The following ACTR6 variants were observed in gnomAD, a reference collection of about 807,000 sequenced individuals.
The protein encoded by ACTR6 is actin related protein 6, also known as actin-related protein 6.
Under a neutral mutation model 52.5 loss-of-function variants are expected in ACTR6, and 50 were observed. The ratio of observed to expected loss-of-function variants is 0.95; its 90% CI spans 0.76 to 1.20. ACTR6 has a LOEUF of 1.20. Ranked by LOEUF, ACTR6 falls within the 50% of genes most tolerant of loss-of-function variation. The pLI is 0.00. For synonymous variants in ACTR6, 135 were observed against 147.2 expected (o/e 0.92, Z 0.60); for missense variants, 344 against 472.4 (o/e 0.73, Z 2.52).
chr12:100,222,951 C>A (rs1311781312), intron 10 of ACTR6, among the ~76,000 whole-genome samples: 3 of 152,344 alleles, frequency 2.0e-5, no homozygotes, highest in East Asian at 1.9e-4. Context: ...AGCAAAAGCA[C>A]AGACTGTGAA....
intron 6 of ACTR6, 41 bp from the exon 7 acceptor site, chr12:100,212,215 A>G (rs1193596807): frequency 7.4e-7 from 1 of 1,347,492 alleles, no homozygotes; most frequent in Non-Finnish European, 1.0e-6. Flanking sequence ...AATTATGTTT[A>G]ATTGTTTTGC....
At position 100,220,495 on chromosome 12, in the gene ACTR6, C is replaced by A. The variant is rs557931205; in HGVS notation, c.1061+349C>A. Among the ~76,000 whole-genome samples the A allele has an allele frequency of 2.0e-5, 3 of 151,266 alleles. No homozygotes were observed. In the East Asian group the frequency reaches 5.8e-4, roughly 29 times the overall value. Reference sequence around the variant, plus strand: ...TTATCTGAGATGTATTATTTATTGACAGTTTCTGTCAGGAATAGAAATTGA... The same window carrying A: ...TTATCTGAGATGTATTATTTATTGAAAGTTTCTGTCAGGAATAGAAATTGA... On this transcript the variant is annotated intron_variant, in intron 10 of 10. Transcript: ENST00000188312.
At chr12:100,220,730 C>T (rs2096127487) in intron 10 of ACTR6, among the ~76,000 whole-genome samples, 4 of 152,176 alleles carry the variant, frequency 2.6e-5, no homozygotes, top group African/African-American at 4.8e-5. Flanking sequence ...CGCAGTGGCT[C>T]TTGCCTGTAA....
chr12:100,220,151 GTGT>G lies in ACTR6; in HGVS notation c.1061+10_1061+12del. 6.2e-7 allele frequency: 1 copy of G among 1,610,310 alleles called. No individual in the cohort carries two copies. The highest frequency in any genetic ancestry group is 8.5e-7 in the Non-Finnish European group (1 of 1,177,788). ...TTCTGTTGTGCTGCCTGAAAAGTAA[GTGT>G]TGTTTTATATAGAAACGAAACATGG... On this transcript the variant is annotated splice_donor_region_variant and intron_variant, in intron 10 of 10. Coordinates refer to ENST00000188312, the MANE Select transcript of ACTR6 (RefSeq NM_022496.5).
At chr12:100,210,400 C>T (rs781054923) in intron 6 of ACTR6, 49 bp downstream of exon 6, 2 of 1,544,976 alleles carry the variant, frequency 1.3e-6, no homozygotes, top group Non-Finnish European at 1.8e-6. Flanking sequence ...TGGGGAGGAA[C>T]CTTTTACAGT....
Position 100,214,883 on chromosome 12 carries a change from C to T in ACTR6, c.750+2355C>T, listed in dbSNP as rs373962633. 3.3e-5 allele frequency among the ~76,000 whole-genome samples: 5 copies of T among 152,308 alleles called. No individual in the cohort carries two copies. In the South Asian group the frequency reaches 6.2e-4, roughly 19 times the overall value. On this transcript the variant is annotated intron_variant, in intron 8 of 10. Coordinates refer to ENST00000188312, the MANE Select transcript of ACTR6 (RefSeq NM_022496.5). ...GTAGAGAGAAACTGGAAGCCCAAGTCCTGGCTAAGATACGGAAGGTGTATT... is the reference window on the plus strand; with the variant it reads ...GTAGAGAGAAACTGGAAGCCCAAGTTCTGGCTAAGATACGGAAGGTGTATT...
At chr12:100,203,620 T>G (rs1375338259) in intron 1 of ACTR6, 2 of 149,186 alleles carry the variant, frequency 1.3e-5, no homozygotes, top group Non-Finnish European at 3.0e-5. Flanking sequence ...TTAATTTTTA[T>G]GGCCATAATT....
Position 100,218,140 on chromosome 12 carries a change from C to G in ACTR6, c.751-275C>G, listed in dbSNP as rs1436171519. On this transcript the variant is annotated intron_variant, in intron 8 of 10. Coordinates refer to ENST00000188312, the MANE Select transcript of ACTR6 (RefSeq NM_022496.5). This position sits in a 1 kb window ranked among gnomAD's most constrained non-coding sequence, Gnocchi z 4.2. ...CAGGTGTGAGCCAGGGCACCTGGCCCTCTTTGTATTTTAAAGTGTGTGGAA... is the reference window on the plus strand; with the variant it reads ...CAGGTGTGAGCCAGGGCACCTGGCCGTCTTTGTATTTTAAAGTGTGTGGAA... Among the ~76,000 whole-genome samples the G allele has an allele frequency of 6.6e-6, 1 of 151,936 alleles. No homozygotes were observed. Among genetic ancestry groups the G allele is most frequent in the Non-Finnish European group, 1.5e-5 (1 of 67,992 alleles).
intron 1 of ACTR6, chr12:100,204,006 G>A (rs2096112280): frequency 1.3e-5 from 2 of 152,202 alleles, no homozygotes; most frequent in Non-Finnish European, 2.9e-5. Flanking sequence ...AAGCCAGAAA[G>A]ACTAGGACCT....
chr12:100,221,009 CT>C (rs1373434375), intron 10 of ACTR6, among the ~76,000 whole-genome samples: 3 of 141,914 alleles, frequency 2.1e-5, no homozygotes, highest in African/African-American at 5.6e-5. Flanking sequence ...ACAAACCCCC[CT>C]GGCAAAAAAA....
intron 8 of ACTR6, among the ~76,000 whole-genome samples, chr12:100,216,788 G>A (rs2096124240): frequency 6.6e-6 from 1 of 150,662 alleles, no homozygotes; most frequent in Admixed American, 6.6e-5. Context: ...CTTCTATGAG[G>A]CATAATATTC....
At chr12:100,208,032 G>A (rs1012669995) in intron 4 of ACTR6, 5 of 327,638 alleles carry the variant, frequency 1.5e-5, no homozygotes, top group Admixed American at 4.4e-5. Flanking sequence ...ATGGTGACAC[G>A]CACCTGTAGT....
At chr12:100,208,306 G>T (rs1409538691) in intron 4 of ACTR6, among the ~76,000 whole-genome samples, 1 of 151,722 alleles carries the variant, frequency 6.6e-6, no homozygotes, top group Non-Finnish European at 1.5e-5. Context: ...CCGAGATGGG[G>T]TTCTGGTCTT....
At position 100,207,710 on chromosome 12, in the gene ACTR6, C is replaced by T. The variant is rs1194836127; in HGVS notation, c.303C>T (p.Asn101=). 6.3e-7 allele frequency: 1 copy of T among 1,587,242 alleles called. No individual in the cohort carries two copies. The highest frequency in any genetic ancestry group is 1.1e-5 in the South Asian group (1 of 89,902). ...TTATTATCACTGAACCATACTTTAA[C>T]TTCACTTCAATTCAAGAATCAATGA... ...TNIIITEPYF[N]FTSIQESMNE... is the part of the protein sequence containing the mutation. Residue 101 remains asparagine (N), a synonymous_variant, in exon 4 of 11, where the codon AAC becomes AAT. Coordinates refer to ENST00000188312, the MANE Select transcript of ACTR6 (RefSeq NM_022496.5).
At position 100,218,530 on chromosome 12, in the gene ACTR6, T is replaced by G; in HGVS notation, c.866T>G (p.Ile289Ser). 6.3e-7 allele frequency: 1 copy of G among 1,583,238 alleles called. No individual in the cohort carries two copies. The highest frequency in any genetic ancestry group is 8.6e-7 in the Non-Finnish European group (1 of 1,164,642). Reference protein sequence around the residue: ...EILFNPSDIGIQEMGIPEAIV... With the variant: ...EILFNPSDIGSQEMGIPEAIV... ...CTCTTTAATCCTTCTGATATAGGCA[T>G]TCAAGAAATGGGAATTCCAGAAGCT... is the stretch of plus-strand genomic sequence containing the variant. Residue 289 changes from isoleucine (I) to serine (S), a missense_variant, in exon 9 of 11, where the codon ATT (isoleucine) becomes AGT (serine). By Grantham distance (142) the Ile-to-Ser change is moderately radical (BLOSUM62 -2). Transcript: ENST00000188312. This position sits in a 1 kb window ranked among gnomAD's most constrained non-coding sequence, Gnocchi z 4.2.
At chr12:100,222,602 C>A (rs942308994) in intron 10 of ACTR6, among the ~76,000 whole-genome samples, 1 of 152,034 alleles carries the variant, frequency 6.6e-6, no homozygotes, top group Non-Finnish European at 1.5e-5. Context: ...CTTGTGTGAT[C>A]ATAGCTCACT....
chr12:100,216,127 A>T (rs1754438331), intron 8 of ACTR6, among the ~76,000 whole-genome samples: 2 of 152,208 alleles, frequency 1.3e-5, no homozygotes, highest in Non-Finnish European at 2.9e-5. Flanking sequence ...TATAACATAC[A>T]CTGATCATTT....
chr12:100,223,625 T>G (rs184412828), intron 10 of ACTR6, among the ~76,000 whole-genome samples, 161 bp from the exon 11 acceptor site: 1 of 152,338 alleles, frequency 6.6e-6, no homozygotes, highest in Non-Finnish European at 1.5e-5. Context: ...TGCTTATTTC[T>G]GTACCTTAAA....
Position 100,218,452 on chromosome 12 carries a change from C to T in ACTR6, c.788C>T (p.Ser263Phe). The change falls in exon 9 of 11, where the codon TCT becomes TTT. Residue 263 changes from serine (S) to phenylalanine (F), a missense_variant. Ser to Phe is a radical substitution (Grantham distance 155, BLOSUM62 -2). Transcript: ENST00000188312. The surrounding 1 kb of genome is among the most constrained non-coding windows in gnomAD (Gnocchi z 4.2). ...EEMVLSGKYK[S>F]GEQILRLANE... ...ATGGTGTTGAGTGGAAAATACAAAT[C>T]TGGGGAACAAATTCTTCGTTTGGCC... 1 of 1,610,710 alleles carries T rather than the reference C, an allele frequency of 6.2e-7. No individual in the cohort carries two copies. Among genetic ancestry groups the T allele is most frequent in the Non-Finnish European group, 8.5e-7 (1 of 1,178,616 alleles).
Sources: allele counts gnomAD v4.1 joint callset (sites outside exome capture counted in the v4.1 genomes callset), GRCh38; gene constraint gnomAD v4.1.1; non-coding constraint Gnocchi (gnomAD v3.1); transcripts MANE v1.5; gene names NCBI Gene and HGNC (gene_info 2026-07-23, HGNC 2026-07-21).